Variants in CFDP1 observed in about 807,000 individuals in gnomAD.
CFDP1 encodes the protein chromatin remodeling protein CFDP1.
A neutral mutation model predicts 40.1 loss-of-function variants in CFDP1; 31 were observed. The observed-to-expected ratio is 0.77, with a 90% CI of 0.58 to 1.04. The LOEUF is 1.04. Ranked by LOEUF, CFDP1 falls within the 50% of genes least tolerant of loss-of-function variation. CFDP1 has a pLI of 0.00. For synonymous variants in CFDP1, 167 were observed against 120.0 expected, an observed-to-expected ratio of 1.39 and a Z score of -2.56; for missense variants, 423 against 343.4, an observed-to-expected ratio of 1.23 and a Z score of -1.83.
chr16:75,305,630 C>G (rs1052292130), intron 5 of CFDP1, among the ~76,000 whole-genome samples: 1 of 152,124 alleles, frequency 6.6e-6, no homozygotes, highest in East Asian at 1.9e-4. Context: ...GTATCTTACA[C>G]GTAAAGGGCT....
intron 5 of CFDP1, among the ~76,000 whole-genome samples, chr16:75,378,494 G>A: frequency 6.6e-6 from 1 of 151,976 alleles, no homozygotes; most frequent in East Asian, 1.9e-4. Flanking sequence ...TTTAAAAAAT[G>A]GTGATCATTA....
In CFDP1 at chr16:75,424,530, C is replaced by T. The variant is rs572755712; in HGVS notation, c.64+8759G>A. Among the ~76,000 whole-genome samples, 9 of 152,084 alleles carry T rather than the reference C, an allele frequency of 5.9e-5. No individual in the cohort carries two copies. The East Asian group carries it at 1.2e-3, about 20-fold the overall frequency. ...CAGCACTTTGGGAGGCTGAGGCGGG[C>T]GGATCACGAGGTCAGGAGATCAAGA... On this transcript the variant is annotated intron_variant, in intron 1 of 6. Transcript: ENST00000283882.
At chr16:75,327,246 G>C (rs533873957) in intron 5 of CFDP1, among the ~76,000 whole-genome samples, 106 of 152,240 alleles carry the variant, frequency 7.0e-4, no homozygotes, top group Non-Finnish European at 1.1e-3. Flanking sequence ...CAGCCTGGAC[G>C]ACAGTGCAAG....
At chr16:75,399,129 T>G (rs1052115125) in intron 4 of CFDP1, among the ~76,000 whole-genome samples, 5 of 150,928 alleles carry the variant, frequency 3.3e-5, no homozygotes, top group Non-Finnish European at 7.4e-5. Context: ...ATTACAACTG[T>G]ACAAGAGACC....
intron 5 of CFDP1, among the ~76,000 whole-genome samples, chr16:75,337,433 C>T (rs937818900): frequency 1.3e-5 from 2 of 152,208 alleles, no homozygotes; most frequent in African/African-American, 4.8e-5. Context: ...TGACCTTTGC[C>T]CCTCCTTATT....
At chr16:75,387,265 G>A (rs1297647661) in intron 5 of CFDP1, among the ~76,000 whole-genome samples, 2 of 151,612 alleles carry the variant, frequency 1.3e-5, no homozygotes, top group Non-Finnish European at 2.9e-5. Context: ...CTCAGCCTCC[G>A]CAGTACCTGG....
At chr16:75,336,430 C>T (rs919323776) in intron 5 of CFDP1, among the ~76,000 whole-genome samples, 5 of 152,188 alleles carry the variant, frequency 3.3e-5, no homozygotes, top group African/African-American at 7.2e-5. Context: ...GCAGCAAGAA[C>T]GGGCAGTGAT....
intron 1 of CFDP1, among the ~76,000 whole-genome samples, chr16:75,429,172 G>A (rs2079379928): frequency 6.6e-6 from 1 of 152,052 alleles, no homozygotes; most frequent in South Asian, 2.1e-4. Flanking sequence ...AGCTTCCGGA[G>A]ACAAACAGAT....
intron 5 of CFDP1, among the ~76,000 whole-genome samples, chr16:75,333,044 G>C (rs1200939809): frequency 6.6e-6 from 1 of 151,294 alleles, no homozygotes; most frequent in Non-Finnish European, 1.5e-5. Context: ...CTAACCTCAG[G>C]TGATCTGCCT....
intron 5 of CFDP1, among the ~76,000 whole-genome samples, chr16:75,319,195 C>T (rs766905900): frequency 9.9e-5 from 15 of 152,238 alleles, no homozygotes; most frequent in Admixed American, 4.6e-4. Flanking sequence ...AGGCACATGC[C>T]ACCATGCCCA....
chr16:75,412,840 A>C, intron 2 of CFDP1, 86 bp from the exon 3 acceptor site: 1 of 1,059,790 alleles, frequency 9.4e-7, no homozygotes, highest in Non-Finnish European at 1.4e-6. Context: ...GTAATCTTAT[A>C]AACCCAAGAA....
chr16:75,380,859 A>C (rs931454783), intron 5 of CFDP1, among the ~76,000 whole-genome samples: 1 of 152,232 alleles, frequency 6.6e-6, no homozygotes, highest in Non-Finnish European at 1.5e-5. Context: ...AAACCTCGCT[A>C]AAGAGTAAAA....
chr16:75,343,208 C>A (rs189461535), intron 5 of CFDP1, among the ~76,000 whole-genome samples: 93 of 152,222 alleles, frequency 6.1e-4, no homozygotes, highest in African/African-American at 2.2e-3. Flanking sequence ...CTACATGACA[C>A]TAAATAAGTT....
chr16:75,366,867 A>G (rs1324323217), intron 5 of CFDP1, among the ~76,000 whole-genome samples: 1 of 152,104 alleles, frequency 6.6e-6, no homozygotes, highest in Non-Finnish European at 1.5e-5. Context: ...TTACCACTTT[A>G]AAAAATTTAC....
intron 5 of CFDP1, among the ~76,000 whole-genome samples, chr16:75,339,567 C>T (rs1597341352): frequency 1.3e-5 from 2 of 152,316 alleles, no homozygotes; most frequent in African/African-American, 4.8e-5. Context: ...TACTTCACCA[C>T]TGCCAATCTC....
Position 75,348,919 on chromosome 16 carries a change from T to C in CFDP1, c.651-43737A>G, listed in dbSNP as rs545978693. Among the ~76,000 whole-genome samples, 5 of 152,120 alleles carry C rather than the reference T, an allele frequency of 3.3e-5. No individual in the cohort carries two copies. The East Asian group carries it at 9.7e-4, about 29-fold the overall frequency. Reference sequence around the variant, plus strand: ...TTGCTGTCTGCCACCCAGGCTGGAGTATAGTGGTACGATCACAGCTCACTG... The same window carrying C: ...TTGCTGTCTGCCACCCAGGCTGGAGCATAGTGGTACGATCACAGCTCACTG... On this transcript the variant is annotated intron_variant, in intron 5 of 6. Transcript: ENST00000283882.
At chr16:75,331,569 A>C (rs1347693710) in intron 5 of CFDP1, among the ~76,000 whole-genome samples, 1 of 152,232 alleles carries the variant, frequency 6.6e-6, no homozygotes, top group African/African-American at 2.4e-5. Flanking sequence ...AGCAACGACT[A>C]TTCTGATTTT....
At position 75,395,114 on chromosome 16, in the gene CFDP1, A is replaced by G. The variant is rs764974873; in HGVS notation, c.626T>C (p.Leu209Pro). 6.2e-7 allele frequency: 1 copy of G among 1,613,950 alleles called. No individual in the cohort carries two copies. Among genetic ancestry groups the G allele is most frequent in the Non-Finnish European group, 8.5e-7 (1 of 1,179,894 alleles). The change falls in exon 5 of 7, where the codon CTG becomes CCG. Residue 209 changes from leucine to proline, a missense_variant. By Grantham distance (98) the Leu-to-Pro change is moderately conservative. Transcript: ENST00000283882. ...EKPQANVPSALPSLPAGSGLK... is the reference protein window; with the variant it reads ...EKPQANVPSAPPSLPAGSGLK... ...CCCTGACCCGGCAGGGAGTGATGGC[A>G]GAGCTGAAGGAACATTAGCCTGTGG...
At chr16:75,336,446 G>C (rs1252544334) in intron 5 of CFDP1, among the ~76,000 whole-genome samples, 3 of 152,214 alleles carry the variant, frequency 2.0e-5, no homozygotes, top group Admixed American at 6.5e-5. Flanking sequence ...GTGATCCTGA[G>C]CACAATCTGG....
Sources: allele counts gnomAD v4.1 joint callset (sites outside exome capture counted in the v4.1 genomes callset), GRCh38; gene constraint gnomAD v4.1.1; transcripts MANE v1.5; gene names NCBI Gene and HGNC (gene_info 2026-07-23, HGNC 2026-07-21).